NGF: variants seen among roughly 807,000 people sequenced by gnomAD.
NGF encodes beta-nerve growth factor.
Under a neutral mutation model 12.8 loss-of-function variants are expected in NGF, and 4 were observed. The observed-to-expected ratio is 0.31, with a 90% CI of 0.15 to 0.72. The LOEUF is 0.72. NGF is among the 30% of genes least tolerant of loss of function. The probability of loss-of-function intolerance (pLI) is 0.69; values close to 1 mark genes in which losing one functional copy is unlikely to be tolerated. For missense variants in NGF, 283 were observed against 330.8 expected (o/e 0.86, Z 1.12); for synonymous variants, 140 against 130.0 (o/e 1.08, Z -0.52).
intron 1 of NGF, among the ~76,000 whole-genome samples, chr1:115,294,115 C>T (rs1330181876): frequency 6.6e-6 from 1 of 152,236 alleles, no homozygotes; most frequent in Non-Finnish European, 1.5e-5. Context: ...CACATGCAGA[C>T]ATAACAGATC....
intron 1 of NGF, among the ~76,000 whole-genome samples, chr1:115,325,117 G>T (rs1654737734): frequency 6.6e-6 from 1 of 152,284 alleles, no homozygotes; most frequent in African/African-American, 2.4e-5. Flanking sequence ...ACCTAAAAAT[G>T]TCGATCAGAA....
chr1:115,320,205 C>G (rs150223427), intron 1 of NGF, among the ~76,000 whole-genome samples: 2 of 152,114 alleles, frequency 1.3e-5, no homozygotes, highest in Non-Finnish European at 2.9e-5. Context: ...TTGCTCTTTA[C>G]CCACAGGGGA....
chr1:115,337,812 C>A lies in NGF; in HGVS notation c.-137+392G>T, dbSNP rs574031994. Among the ~76,000 whole-genome samples, 214 of 152,214 alleles carry A rather than the reference C, an allele frequency of 1.4e-3. 1 individual carries two copies. The highest frequency in any genetic ancestry group is 4.9e-3 in the African/African-American group (202 of 41,566). ...CCGCCACTCCTCCCGCCCTGGCGCG[C>A]CAGCTGCCGGCGCATCCCTCTCCGC... On this transcript the variant is annotated intron_variant, in intron 1 of 2. Coordinates refer to ENST00000369512, the MANE Select transcript of NGF (RefSeq NM_002506.3).
chr1:115,320,636 G>A (rs970848984), intron 1 of NGF, among the ~76,000 whole-genome samples: 17 of 152,172 alleles, frequency 1.1e-4, no homozygotes, highest in South Asian at 4.1e-4. Flanking sequence ...TCAGAATGGC[G>A]CACAATTTAA....
Position 115,286,472 on chromosome 1 carries a change from A to G in NGF, c.324T>C (p.Gly108=), listed in dbSNP as rs1653506438. Residue 108 remains glycine (G), a synonymous_variant, in exon 3 of 3, where the codon GGT becomes GGC. Transcript: ENST00000369512. ...GAGTCCTGTTGAAGGGGGCAGCACC[A>G]CCGACCTCGAAGTCCAGATCCTGAG... The part of the protein sequence containing the change: ...ADTQDLDFEV[G]GAAPFNRTHR... 1.2e-6 allele frequency: 2 copies of G among 1,613,936 alleles called. No individual in the cohort carries two copies. The highest frequency in any genetic ancestry group is 8.5e-7 in the Non-Finnish European group (1 of 1,179,946).
chr1:115,298,781 A>G (rs1318676531), intron 1 of NGF, among the ~76,000 whole-genome samples: 1 of 151,412 alleles, frequency 6.6e-6, no homozygotes, highest in African/African-American at 2.4e-5. Context: ...CGATCACTAC[A>G]TTGAAGATGC....
At chr1:115,322,205 G>A (rs1654649389) in intron 1 of NGF, among the ~76,000 whole-genome samples, 1 of 152,124 alleles carries the variant, frequency 6.6e-6, no homozygotes, top group Non-Finnish European at 1.5e-5. Flanking sequence ...TTTCTGGCAG[G>A]GCCCATGGCA....
At chr1:115,304,532 C>CT (rs1271734453) in intron 1 of NGF, among the ~76,000 whole-genome samples, 1 of 151,856 alleles carries the variant, frequency 6.6e-6, no homozygotes, top group African/African-American at 2.4e-5. Flanking sequence ...GAGGCAGGCT[C>CT]TTCCATTTGC....
chr1:115,295,242 AC>A (rs1404436586), intron 1 of NGF, among the ~76,000 whole-genome samples: 1 of 152,178 alleles, frequency 6.6e-6, no homozygotes, highest in African/African-American at 2.4e-5. Flanking sequence ...TCTTCAAGTT[AC>A]TAGAAATCAT....
intron 1 of NGF, among the ~76,000 whole-genome samples, chr1:115,329,335 G>T (rs1654851480): frequency 6.6e-6 from 1 of 152,250 alleles, no homozygotes; most frequent in African/African-American, 2.4e-5. Context: ...AGAGAAACTA[G>T]TCTCACCTTA....
chr1:115,334,381 A>G lies in NGF; in HGVS notation c.-137+3823T>C, dbSNP rs193046884. 4.2e-3 allele frequency among the ~76,000 whole-genome samples: 639 copies of G among 152,248 alleles called. 5 individuals carry two copies. Among genetic ancestry groups the G allele is most frequent in the African/African-American group, 0.015 (604 of 41,542 alleles). Reference sequence around the variant, plus strand: ...AGTCTGCCTGTGTTTTTAATAACATATGGCAGAGTAGGAAGCTGCCATGCT... The same window carrying G: ...AGTCTGCCTGTGTTTTTAATAACATGTGGCAGAGTAGGAAGCTGCCATGCT... On this transcript the variant is annotated intron_variant, in intron 1 of 2. Transcript: ENST00000369512.
intron 1 of NGF, among the ~76,000 whole-genome samples, chr1:115,304,329 AT>A (rs58345237): frequency 8.9e-4 from 72 of 80,816 alleles, no homozygotes; most frequent in Middle Eastern, 6.8e-3. Context: ...TGCTTGGCTA[AT>A]TTTTTTTTTT....
intron 1 of NGF, among the ~76,000 whole-genome samples, chr1:115,327,182 T>C (rs1233278719): frequency 6.6e-6 from 1 of 152,238 alleles, no homozygotes; most frequent in Non-Finnish European, 1.5e-5. Context: ...AGGTTCATAG[T>C]CGTTTAAGAA....
At chr1:115,324,334 C>T (rs973780759) in intron 1 of NGF, among the ~76,000 whole-genome samples, 1 of 152,148 alleles carries the variant, frequency 6.6e-6, no homozygotes, top group African/African-American at 2.4e-5. Flanking sequence ...CTCTGCCAGG[C>T]TACATGAAAG....
intron 1 of NGF, among the ~76,000 whole-genome samples, chr1:115,306,458 GTTGT>G (rs1478887483): frequency 2.6e-5 from 4 of 152,116 alleles, no homozygotes; most frequent in African/African-American, 9.7e-5. Context: ...TCAGTGGTAT[GTTGT>G]TTGTTTGTTT....
At chr1:115,314,020 C>T (rs577516447) in intron 1 of NGF, among the ~76,000 whole-genome samples, 1 of 152,254 alleles carries the variant, frequency 6.6e-6, no homozygotes, top group South Asian at 2.1e-4. Context: ...CTTCAGGATG[C>T]GGGTCCTGAG....
intron 1 of NGF, among the ~76,000 whole-genome samples, chr1:115,305,790 A>G (rs1654185647): frequency 6.6e-6 from 1 of 152,230 alleles, no homozygotes; most frequent in African/African-American, 2.4e-5. Context: ...TTATAGAAAT[A>G]GAATGTGGCT....
intron 1 of NGF, among the ~76,000 whole-genome samples, chr1:115,299,652 CT>C (rs1366560699): frequency 5.3e-5 from 8 of 152,184 alleles, no homozygotes; most frequent in African/African-American, 1.7e-4. Flanking sequence ...AATAATAGTC[CT>C]TGTAGTATAG....
Position 115,318,270 on chromosome 1 carries a change from C to T in NGF, c.-137+19934G>A, listed in dbSNP as rs191300441. Among the ~76,000 whole-genome samples, 188 of 152,324 alleles carry T rather than the reference C, an allele frequency of 1.2e-3. 1 individual carries two copies. The highest frequency in any genetic ancestry group is 0.011 in the South Asian group (53 of 4,832). On this transcript the variant is annotated intron_variant, in intron 1 of 2. Coordinates refer to ENST00000369512, the MANE Select transcript of NGF (RefSeq NM_002506.3). ...CCTTAGCTAGATGCCCTAGACAGGACACAACCTGCACAGCTTTAATGGTGA... is the reference window on the plus strand; with the variant it reads ...CCTTAGCTAGATGCCCTAGACAGGATACAACCTGCACAGCTTTAATGGTGA...
Sources: gnomAD v4.1 joint callset for allele counts (sites outside exome capture counted in the v4.1 genomes callset) on GRCh38, gnomAD v4.1.1 for gene constraint, MANE v1.5 for transcripts, NCBI Gene and HGNC (gene_info 2026-07-23, HGNC 2026-07-21) for gene names.